POPDC3: variants seen among roughly 807,000 people sequenced by gnomAD.
POPDC3 encodes the protein popeye domain cAMP effector 3, also known as popeye domain-containing protein 3.
POPDC3 carries 20 observed loss-of-function variants against 28.2 expected under a neutral mutation model. The observed-to-expected ratio is 0.71, with a 90% CI of 0.50 to 1.03. The LOEUF is 1.03. POPDC3 is among the 50% of genes least tolerant of loss of function. The pLI is 0.00. For synonymous variants in POPDC3, 118 were observed against 124.1 expected (o/e 0.95, Z 0.33); for missense variants, 316 against 345.9 (o/e 0.91, Z 0.69).
intron 1 of POPDC3, among the ~76,000 whole-genome samples, chr6:105,171,435 G>A (rs189187322): frequency 5.9e-5 from 9 of 152,196 alleles, no homozygotes; most frequent in Admixed American, 2.0e-4. Context: ...TTGGGAGGCC[G>A]AGGTGGGAGG....
At chr6:105,171,684 A>T (rs1346187794) in intron 1 of POPDC3, among the ~76,000 whole-genome samples, 2 of 150,972 alleles carry the variant, frequency 1.3e-5, no homozygotes, top group African/African-American at 4.9e-5. Flanking sequence ...TAATAATAAT[A>T]ATAATTATTA....
chr6:105,171,910 C>G (rs1774585094), intron 1 of POPDC3, among the ~76,000 whole-genome samples: 1 of 150,886 alleles, frequency 6.6e-6, no homozygotes, highest in South Asian at 2.1e-4. Flanking sequence ...TCTTAAACTC[C>G]CAGACTCAAG....
At position 105,158,055 on chromosome 6, in the gene POPDC3, AT is replaced by A. The variant is rs1774222878; in HGVS notation, c.*414del. ...ACTGGAGGTTGTAGCAAAAAAGTGA[AT>A]TCCGGAAATGCCTATGTGGACAGTA... On this transcript the variant is annotated 3_prime_UTR_variant, in exon 4 of 4. Coordinates refer to ENST00000254765, the MANE Select transcript of POPDC3 (RefSeq NM_022361.5). Among the ~76,000 whole-genome samples the A allele has an allele frequency of 6.6e-6, 1 of 152,178 alleles. No homozygotes were observed. Among genetic ancestry groups the A allele is most frequent in the East Asian group, 1.9e-4 (1 of 5,196 alleles).
Position 105,161,978 on chromosome 6 carries a change from T to C in POPDC3, c.-69A>G, listed in dbSNP as rs878954001. On this transcript the variant is annotated 5_prime_UTR_variant, in exon 2 of 4. Coordinates refer to ENST00000254765, the MANE Select transcript of POPDC3 (RefSeq NM_022361.5). ...ACACTGAAACAGGTAACTAAGTCCT[T>C]TGGTTCTCCATCATGAGAGTTTTGT... 22 of 1,523,472 alleles carry C rather than the reference T, an allele frequency of 1.4e-5. No individual in the cohort carries two copies. Among genetic ancestry groups the C allele is most frequent in the South Asian group, 1.2e-4 (9 of 74,264 alleles). 94.4% of individuals were successfully genotyped at this position (1,523,472 alleles called of 1,614,324 possible). A position where few individuals can be genotyped will look rare whatever the true frequency, so the allele number is the denominator to read the frequency against.
rs950478615 is a variant in POPDC3, at chr6:105,178,735, T to C, written c.-252+1098A>G. On this transcript the variant is annotated intron_variant, in intron 1 of 3. Coordinates refer to ENST00000254765, the MANE Select transcript of POPDC3 (RefSeq NM_022361.5). Reference sequence around the variant, plus strand: ...ATTTTCTGTCTCATGTAGTTCTTGTTTGGTTTTCTATTGTCACAAAGAACA... The same window carrying C: ...ATTTTCTGTCTCATGTAGTTCTTGTCTGGTTTTCTATTGTCACAAAGAACA... 4.1e-6 allele frequency: 4 copies of C among 985,204 alleles called. No homozygotes were observed. The African/African-American group carries it at 7.0e-5, about 17-fold the overall frequency. 61.0% of individuals were successfully genotyped at this position (985,204 alleles called of 1,614,324 possible).
intron 1 of POPDC3, 102 bp from the exon 2 acceptor site, chr6:105,162,262 T>A (rs1473674268): frequency 1.9e-6 from 1 of 528,550 alleles, no homozygotes; most frequent in Non-Finnish European, 2.5e-6. Flanking sequence ...TGACCTCCCA[T>A]TTTCTATGAA....
intron 1 of POPDC3, among the ~76,000 whole-genome samples, chr6:105,174,598 C>T (rs1039120628): frequency 2.0e-5 from 3 of 152,042 alleles, no homozygotes; most frequent in Non-Finnish European, 4.4e-5. Context: ...GTAACCACAC[C>T]GAAAGTTGAG....
At chr6:105,176,004 AAACTTTTCTCTT>A (rs1290261022) in intron 1 of POPDC3, among the ~76,000 whole-genome samples, 1 of 152,194 alleles carries the variant, frequency 6.6e-6, no homozygotes, top group Non-Finnish European at 1.5e-5. Context: ...ATGTATTCAG[AAACTTTTCTCTT>A]AGTTTGGAAG....
At chr6:105,159,879 A>G (rs1355680585) in intron 2 of POPDC3, 60 bp from the exon 3 acceptor site, 98 of 944,588 alleles carry the variant, frequency 1.0e-4, no homozygotes, top group Middle Eastern at 2.2e-4. Context: ...ATAATTGGGG[A>G]GGGGTGGGGG....
In POPDC3 at chr6:105,161,707, G is replaced by A; in HGVS notation, c.203C>T (p.Ala68Val). The change falls in exon 2 of 4, where the codon GCT becomes GTT. Residue 68 changes from alanine (A) to valine (V), a missense_variant. Transcript: ENST00000254765. ...GTCAGCTGCACAGACATCTACCCAA[G>A]CCCAGACAGCAGAACAGAGAAAACC... Reference protein sequence around the residue: ...GLGFLCSAVWAWVDVCAADIF... With the variant: ...GLGFLCSAVWVWVDVCAADIF... 1 of 1,614,106 alleles carries A rather than the reference G, an allele frequency of 6.2e-7. No individual in the cohort carries two copies. The highest frequency in any genetic ancestry group is 8.5e-7 in the Non-Finnish European group (1 of 1,180,034).
intron 1 of POPDC3, among the ~76,000 whole-genome samples, chr6:105,164,007 C>T (rs1216563371): frequency 1.3e-5 from 2 of 152,080 alleles, no homozygotes; most frequent in Non-Finnish European, 2.9e-5. Flanking sequence ...GGTATTACAA[C>T]AAAGAAAAAT....
Position 105,158,504 on chromosome 6 carries a change from T to G in POPDC3, c.842A>C (p.His281Pro). 1.9e-6 allele frequency: 3 copies of G among 1,613,258 alleles called. No individual in the cohort carries two copies. Among genetic ancestry groups the G allele is most frequent in the South Asian group, 2.2e-5 (2 of 90,942 alleles). Reference protein sequence around the residue: ...PEIRRSPLTQHFQNSRRYCDK With the variant: ...PEIRRSPLTQPFQNSRRYCDK The stretch of plus-strand genomic sequence containing the variant: ...ACAGTATCGTCTGGAATTCTGAAAA[T>G]GTTGTGTCAGGGGTGATCTGCGTAT... The change falls in exon 4 of 4, where the codon CAT (histidine) becomes CCT (proline). Residue 281 changes from histidine to proline, a missense_variant. His to Pro is a moderately conservative substitution (Grantham distance 77, BLOSUM62 -2). Coordinates refer to ENST00000254765, the MANE Select transcript of POPDC3 (RefSeq NM_022361.5).
intron 2 of POPDC3, among the ~76,000 whole-genome samples, chr6:105,161,125 C>T (rs890654141): frequency 1.3e-5 from 2 of 152,190 alleles, no homozygotes; most frequent in African/African-American, 4.8e-5. Flanking sequence ...CTGACATCAT[C>T]CTCTTCTCGA....
At position 105,161,407 on chromosome 6, in the gene POPDC3, A is replaced by G; in HGVS notation, c.485+18T>C. The G allele has an allele frequency of 1.3e-6, 2 of 1,598,636 alleles. No individual in the cohort carries two copies. The highest frequency in any genetic ancestry group is 8.5e-7 in the Non-Finnish European group (1 of 1,172,998). On this transcript the variant is annotated intron_variant, in intron 2 of 3. Coordinates refer to ENST00000254765, the MANE Select transcript of POPDC3 (RefSeq NM_022361.5). ...ACTAATACTTGAGGAAAGACATGCA[A>G]GCACCAAAGGTACAAACCTTCCTGA... is the stretch of plus-strand genomic sequence containing the variant.
chr6:105,177,351 CTT>C (rs1774700281), intron 1 of POPDC3, among the ~76,000 whole-genome samples: 1 of 151,688 alleles, frequency 6.6e-6, no homozygotes, highest in African/African-American at 2.4e-5. Context: ...CAGATTCACA[CTT>C]AAATTTTTTT....
chr6:105,158,517 G>T lies in POPDC3; in HGVS notation c.829C>A (p.Pro277Thr). ...GAATTCTGAAAATGTTGTGTCAGGG[G>T]TGATCTGCGTATTTCTGGAGTTGAC... ...QMSTPEIRRS[P>T]LTQHFQNSRR... Residue 277 changes from proline to threonine, a missense_variant, in exon 4 of 4, where the codon CCC (proline) becomes ACC (threonine). Coordinates refer to ENST00000254765, the MANE Select transcript of POPDC3 (RefSeq NM_022361.5). 6.2e-7 allele frequency: 1 copy of T among 1,613,936 alleles called. No homozygotes were observed. The highest frequency in any genetic ancestry group is 2.2e-5 in the East Asian group (1 of 44,868).
Position 105,179,214 on chromosome 6 carries a change from G to C in POPDC3, c.-252+619C>G, listed in dbSNP as rs1017878856. On this transcript the variant is annotated intron_variant, in intron 1 of 3. Coordinates refer to ENST00000254765, the MANE Select transcript of POPDC3 (RefSeq NM_022361.5). ...GGGTTGGCAAATTTCTTTTTTGGCAGGGGGATCCCCAAATGGAGAAAACAG... is the reference window on the plus strand; with the variant it reads ...GGGTTGGCAAATTTCTTTTTTGGCACGGGGATCCCCAAATGGAGAAAACAG... 3.0e-6 allele frequency: 3 copies of C among 985,242 alleles called. No individual in the cohort carries two copies. In the East Asian group the frequency reaches 3.4e-4, roughly 112 times the overall value. The allele number at this position is 985,242 out of a possible 1,614,324, so 61.0% of individuals were successfully genotyped here. A position where few individuals can be genotyped will look rare whatever the true frequency, so the allele number is the denominator to read the frequency against.
At chr6:105,165,631 A>G (rs1162036538) in intron 1 of POPDC3, among the ~76,000 whole-genome samples, 1 of 152,234 alleles carries the variant, frequency 6.6e-6, no homozygotes, top group Non-Finnish European at 1.5e-5. Context: ...AACACAGAGG[A>G]GCTGGGGCAT....
At chr6:105,160,440 C>T (rs1774297376) in intron 2 of POPDC3, among the ~76,000 whole-genome samples, 2 of 51,908 alleles carry the variant, frequency 3.9e-5, no homozygotes, top group East Asian at 1.5e-3. Context: ...TCTCGAACTC[C>T]TGACCTCAAG....
Sources: allele counts gnomAD v4.1 joint callset (sites outside exome capture counted in the v4.1 genomes callset), GRCh38; gene constraint gnomAD v4.1.1; transcripts MANE v1.5; gene names NCBI Gene and HGNC (gene_info 2026-07-23, HGNC 2026-07-21).